The following RCAN2 variants were observed in gnomAD, a reference collection of about 807,000 sequenced individuals.
RCAN2 encodes calcipressin-2.
Under a neutral mutation model 23.6 loss-of-function variants are expected in RCAN2, and 9 were observed. The observed-to-expected ratio is 0.38, with a 90% CI of 0.23 to 0.67. RCAN2 has a LOEUF of 0.67. RCAN2 is among the 30% of genes least tolerant of loss of function. The pLI is 0.51. For synonymous variants in RCAN2, 109 were observed against 115.7 expected, an observed-to-expected ratio of 0.94 and a Z score of 0.37; for missense variants, 273 against 302.3, an observed-to-expected ratio of 0.90 and a Z score of 0.72.
At chr6:46,239,699 C>G (rs981097061) in intron 4 of RCAN2, among the ~76,000 whole-genome samples, 1 of 151,920 alleles carries the variant, frequency 6.6e-6, no homozygotes, top group Non-Finnish European at 1.5e-5. Context: ...TGAGAGTGAG[C>G]AAGAGAGCAA....
At chr6:46,228,132 C>T (rs981729586) in intron 4 of RCAN2, among the ~76,000 whole-genome samples, 1 of 152,196 alleles carries the variant, frequency 6.6e-6, no homozygotes. Flanking sequence ...GCACTGTGGT[C>T]TGAGAGACAG....
chr6:46,446,139 G>C (rs1390704065), intron 2 of RCAN2, among the ~76,000 whole-genome samples: 2 of 131,164 alleles, frequency 1.5e-5, no homozygotes, highest in Non-Finnish European at 3.3e-5. Context: ...AAAAATCAAA[G>C]ATAAAAAGAG....
At chr6:46,449,933 A>T (rs1767826850) in intron 2 of RCAN2, among the ~76,000 whole-genome samples, 1 of 152,036 alleles carries the variant, frequency 6.6e-6, no homozygotes, top group Non-Finnish European at 1.5e-5. Flanking sequence ...ATATGACCCC[A>T]AAAGCACAGG....
chr6:46,445,353 AG>A (rs1767676499), intron 2 of RCAN2, among the ~76,000 whole-genome samples: 2 of 152,194 alleles, frequency 1.3e-5, no homozygotes, highest in South Asian at 4.1e-4. Context: ...GCACCAGGAT[AG>A]CCTGCCCAAG....
chr6:46,426,795 A>G (rs1767044713), intron 2 of RCAN2, among the ~76,000 whole-genome samples: 1 of 152,250 alleles, frequency 6.6e-6, no homozygotes, highest in Non-Finnish European at 1.5e-5. Context: ...TAAAAAGAGT[A>G]TAACACAGAG....
intron 2 of RCAN2, chr6:46,325,498 A>G: frequency 6.2e-7 from 1 of 1,613,630 alleles, no homozygotes; most frequent in East Asian, 2.2e-5. Flanking sequence ...CTGAATTTTT[A>G]ATAAAGAGTT....
At chr6:46,267,530 C>A (rs7341190) in intron 2 of RCAN2, among the ~76,000 whole-genome samples, 1 of 151,948 alleles carries the variant, frequency 6.6e-6, no homozygotes, top group African/African-American at 2.4e-5. Context: ...AACAAACAAA[C>A]GAAAACGAGG....
At chr6:46,456,700 G>A in intron 2 of RCAN2, 52 bp downstream of exon 2, 1 of 1,282,176 alleles carries the variant, frequency 7.8e-7, no homozygotes, top group East Asian at 2.5e-5. Flanking sequence ...AGGATTACTT[G>A]GAGATAATGC....
intron 2 of RCAN2, among the ~76,000 whole-genome samples, chr6:46,390,784 G>A (rs752032368): frequency 1.3e-5 from 2 of 152,200 alleles, no homozygotes; most frequent in African/African-American, 2.4e-5. Flanking sequence ...GGAGCAATGA[G>A]AGCCATTTTT....
chr6:46,248,935 G>A (rs779930446), intron 2 of RCAN2, 39 bp from the exon 3 acceptor site: 2 of 1,467,098 alleles, frequency 1.4e-6, no homozygotes, highest in Admixed American at 1.9e-5. Flanking sequence ...CATTGGCCAT[G>A]GCATGGATCT....
chr6:46,396,391 G>A (rs189618443), intron 2 of RCAN2, among the ~76,000 whole-genome samples: 21 of 152,324 alleles, frequency 1.4e-4, no homozygotes, highest in Non-Finnish European at 2.6e-4. Flanking sequence ...ACACAGAAGA[G>A]CTTCAGAGTT....
At chr6:46,444,028 C>T (rs1446925471) in intron 2 of RCAN2, among the ~76,000 whole-genome samples, 1 of 152,142 alleles carries the variant, frequency 6.6e-6, no homozygotes, top group Non-Finnish European at 1.5e-5. Context: ...TGATTGAGCA[C>T]CTACTGTGTG....
At chr6:46,385,940 C>T (rs6900960) in intron 2 of RCAN2, among the ~76,000 whole-genome samples, 1 of 149,654 alleles carries the variant, frequency 6.7e-6, no homozygotes, top group East Asian at 2.0e-4. Flanking sequence ...CTAGCCAATA[C>T]CATTCAGGAC....
chr6:46,230,858 A>T (rs958435606), intron 4 of RCAN2, among the ~76,000 whole-genome samples: 1 of 152,222 alleles, frequency 6.6e-6, no homozygotes, highest in Non-Finnish European at 1.5e-5. Context: ...TGGGAGCTGT[A>T]GACTGGAGCT....
chr6:46,296,079 GTGTGTGTGTGTGTGTGTGTGTGTGTC>G (rs1484450504), intron 2 of RCAN2, among the ~76,000 whole-genome samples: 2 of 150,284 alleles, frequency 1.3e-5, no homozygotes, highest in African/African-American at 4.9e-5. Context: ...GTGTGTGTGT[GTGTGTGTGTGTGTGTGTGTGTGTGTC>G]TGTGTGTGTG....
chr6:46,265,072 C>G lies in RCAN2; in HGVS notation c.226-16176G>C, dbSNP rs140141299. Among the ~76,000 whole-genome samples the G allele has an allele frequency of 1.1e-4, 17 of 152,276 alleles. No individual in the cohort carries two copies. In the South Asian group the frequency reaches 3.5e-3, roughly 32 times the overall value. ...TGCATCTCACCCAGTGGGATGGACA[C>G]GTCTTTTGTCTTCATCTAGTTTTTC... On this transcript the variant is annotated intron_variant, in intron 2 of 4. Transcript: ENST00000371374.
chr6:46,489,866 G>A (rs943001478), intron 1 of RCAN2, among the ~76,000 whole-genome samples: 3 of 152,178 alleles, frequency 2.0e-5, no homozygotes, highest in Non-Finnish European at 2.9e-5. Context: ...GAACTCAATG[G>A]CTGATCATAC....
chr6:46,443,613 G>A (rs4711850), intron 2 of RCAN2, among the ~76,000 whole-genome samples: 78,587 of 151,830 alleles, frequency 0.52, 20,638 homozygotes, highest in East Asian at 0.61. Context: ...CACTCGGCTT[G>A]CTAAATGAGT....
intron 2 of RCAN2, among the ~76,000 whole-genome samples, chr6:46,431,451 A>T (rs979819918): frequency 5.9e-5 from 9 of 152,194 alleles, no homozygotes; most frequent in African/African-American, 2.2e-4. Flanking sequence ...ATAGTCCTCA[A>T]TAAATTCATT....
Sources: gnomAD v4.1 joint callset for allele counts (sites outside exome capture counted in the v4.1 genomes callset) on GRCh38, gnomAD v4.1.1 for gene constraint, MANE v1.5 for transcripts, NCBI Gene and HGNC (gene_info 2026-07-23, HGNC 2026-07-21) for gene names.